The following ADAMTSL3 variants were observed in gnomAD, a reference collection of about 807,000 sequenced individuals.
ADAMTSL3 encodes the protein ADAMTS like 3, also known as ADAMTS-like protein 3.
In ADAMTSL3, 128 loss-of-function variants were observed where a neutral mutation model predicts 201.7. The ratio of observed to expected loss-of-function variants is 0.63; its 90% CI spans 0.55 to 0.73. The LOEUF (loss-of-function observed/expected upper bound fraction) is 0.73, where lower values mean the gene tolerates loss of function less well. Among genes scored for constraint, ADAMTSL3 ranks in the 30% least tolerant of loss-of-function variants. The probability of loss-of-function intolerance (pLI) is 0.00; values close to 1 mark genes in which losing one functional copy is unlikely to be tolerated. For synonymous variants in ADAMTSL3, 738 were observed against 748.4 expected, an observed-to-expected ratio of 0.99 and a Z score of 0.23; for missense variants, 1,990 against 2,119.6, an observed-to-expected ratio of 0.94 and a Z score of 1.20.
Position 83,970,649 on chromosome 15 carries a change from G to A in ADAMTSL3, c.2644+12G>A. The A allele has an allele frequency of 6.2e-7, 1 of 1,613,516 alleles. No individual in the cohort carries two copies. Among genetic ancestry groups the A allele is most frequent in the Non-Finnish European group, 8.5e-7 (1 of 1,179,690 alleles). ...GCCTGAGTGCAGTAGTAAGTATGCG[G>A]TGTCCGCGCTTCACCAAGATATGCT... On this transcript the variant is annotated intron_variant, in intron 20 of 29. Transcript: ENST00000286744.
At chr15:83,681,849 C>A (rs1382346948) in intron 2 of ADAMTSL3, among the ~76,000 whole-genome samples, 2 of 152,182 alleles carry the variant, frequency 1.3e-5, no homozygotes. Flanking sequence ...AAGGATACTT[C>A]TAGAATTTTA....
chr15:83,883,063 A>T (rs1257382026), intron 9 of ADAMTSL3, among the ~76,000 whole-genome samples: 1 of 151,956 alleles, frequency 6.6e-6, no homozygotes, highest in Non-Finnish European at 1.5e-5. Flanking sequence ...TTTAAAAATT[A>T]AACTGTATTA....
intron 4 of ADAMTSL3, among the ~76,000 whole-genome samples, chr15:83,784,574 T>TA (rs563125591): frequency 8.1e-4 from 123 of 152,286 alleles, no homozygotes; most frequent in Non-Finnish European, 1.5e-3. Flanking sequence ...ACGCTCAGAT[T>TA]ACAATCTCTA....
At chr15:83,798,471 C>T (rs2063463392) in intron 4 of ADAMTSL3, among the ~76,000 whole-genome samples, 1 of 152,196 alleles carries the variant, frequency 6.6e-6, no homozygotes, top group African/African-American at 2.4e-5. Flanking sequence ...TGGTTCCTGG[C>T]ATGGGGTCAG....
At chr15:83,895,013 T>G (rs1256343330) in intron 13 of ADAMTSL3, among the ~76,000 whole-genome samples, 1 of 152,188 alleles carries the variant, frequency 6.6e-6, no homozygotes, top group Non-Finnish European at 1.5e-5. Flanking sequence ...TATTGTTAAT[T>G]TTTTCTATTG....
intron 3 of ADAMTSL3, among the ~76,000 whole-genome samples, chr15:83,735,879 A>G (rs1317435551): frequency 6.6e-6 from 1 of 152,172 alleles, no homozygotes; most frequent in Non-Finnish European, 1.5e-5. Flanking sequence ...AAAATGCCCC[A>G]GTCTCTGCTA....
chr15:83,879,716 G>A (rs1177597994), intron 9 of ADAMTSL3, among the ~76,000 whole-genome samples: 2 of 152,156 alleles, frequency 1.3e-5, no homozygotes, highest in South Asian at 2.1e-4. Context: ...TGGATACAAT[G>A]TTCTATGTAT....
chr15:83,914,613 C>G (rs1044785356), intron 16 of ADAMTSL3, among the ~76,000 whole-genome samples: 1 of 152,180 alleles, frequency 6.6e-6, no homozygotes, highest in Non-Finnish European at 1.5e-5. Flanking sequence ...GACTCTTTCT[C>G]CCCTTACTTG....
rs1295127852 is a variant in ADAMTSL3 at position 84,038,856 on chromosome 15, G to C, written c.*1050G>C. The C allele has an allele frequency of 6.6e-6, 1 of 152,202 alleles. No homozygotes were observed. The highest frequency in any genetic ancestry group is 1.9e-4 in the East Asian group (1 of 5,196). The allele number at this position is 152,202 out of a possible 1,614,324, so 9.4% of individuals were successfully genotyped here. On this transcript the variant is annotated 3_prime_UTR_variant, in exon 30 of 30. Transcript: ENST00000286744. ...GATTTGAGGAAAAGGGTAAGGGTTA[G>C]TTTCAGTTTTAGGATTAGAGCTAGA...
At chr15:83,866,316 T>C (rs1317002978) in intron 8 of ADAMTSL3, among the ~76,000 whole-genome samples, 1 of 152,226 alleles carries the variant, frequency 6.6e-6, no homozygotes, top group East Asian at 1.9e-4. Flanking sequence ...ACATGTATGT[T>C]TATTGTGGCA....
chr15:83,998,949 G>A (rs1045257616), intron 23 of ADAMTSL3, among the ~76,000 whole-genome samples: 3 of 152,202 alleles, frequency 2.0e-5, no homozygotes, highest in Non-Finnish European at 4.4e-5. Context: ...GCCAAGTTCC[G>A]AACCCAGTTA....
At chr15:83,885,736 CT>C (rs879547989) in intron 10 of ADAMTSL3, among the ~76,000 whole-genome samples, 220 of 144,262 alleles carry the variant, frequency 1.5e-3, no homozygotes, top group Middle Eastern at 3.5e-3. Flanking sequence ...AGTTCAAGGT[CT>C]TTTTTTTTTT....
In ADAMTSL3 at chr15:83,903,948, AAAAG is replaced by A. The variant is rs1305997939; in HGVS notation, c.1700+4237_1700+4240del. Among the ~76,000 whole-genome samples the A allele has an allele frequency of 7.6e-3, 777 of 102,464 alleles. 146 individuals carry two copies. The highest frequency in any genetic ancestry group is 0.024 in the African/African-American group (730 of 30,074). 67.2% of individuals were successfully genotyped at this position (102,464 alleles called of 152,430 possible). On this transcript the variant is annotated intron_variant, in intron 15 of 29. Coordinates refer to ENST00000286744, the MANE Select transcript of ADAMTSL3 (RefSeq NM_207517.3). Reference sequence around the variant, plus strand: ...AAAAAAAAAAAAAAAAAAAAAAGAAAAAAGAAAGAAAGAAAGAAAGAAAAGGAGC... The same window carrying A: ...AAAAAAAAAAAAAAAAAAAAAAGAAAAAAGAAAGAAAGAAAGAAAAGGAGC...
At chr15:83,827,073 G>A (rs1173658074) in intron 6 of ADAMTSL3, among the ~76,000 whole-genome samples, 3 of 152,152 alleles carry the variant, frequency 2.0e-5, no homozygotes, top group Non-Finnish European at 2.9e-5. Flanking sequence ...CTAGATCCCT[G>A]AGGAATTGCC....
intron 23 of ADAMTSL3, among the ~76,000 whole-genome samples, chr15:83,994,577 T>C (rs1195694000): frequency 6.9e-6 from 1 of 143,968 alleles, no homozygotes; most frequent in Non-Finnish European, 1.5e-5. Context: ...TCTGTTTTTT[T>C]GTTTTTTCGT....
At chr15:83,954,534 T>A (rs112333343) in intron 19 of ADAMTSL3, among the ~76,000 whole-genome samples, 5 of 152,368 alleles carry the variant, frequency 3.3e-5, no homozygotes, top group African/African-American at 1.2e-4. Context: ...GTGCCTGATG[T>A]AGTTCATTTG....
chr15:83,842,636 G>A (rs989961444), intron 7 of ADAMTSL3, among the ~76,000 whole-genome samples: 2 of 152,194 alleles, frequency 1.3e-5, no homozygotes, highest in South Asian at 4.1e-4. Flanking sequence ...GTCCGTCTGG[G>A]GATTGATTTT....
chr15:83,776,453 C>T (rs1377422342), intron 4 of ADAMTSL3, among the ~76,000 whole-genome samples: 1 of 152,220 alleles, frequency 6.6e-6, no homozygotes, highest in African/African-American at 2.4e-5. Context: ...CACAGTGGCT[C>T]ACGCCTGTAA....
chr15:84,024,762 G>C (rs1371758921), intron 26 of ADAMTSL3, among the ~76,000 whole-genome samples: 1 of 152,194 alleles, frequency 6.6e-6, no homozygotes, highest in Non-Finnish European at 1.5e-5. Flanking sequence ...TGTGGTCATA[G>C]CTAAGTTATT....
Sources: gnomAD v4.1 joint callset for allele counts (sites outside exome capture counted in the v4.1 genomes callset) on GRCh38, gnomAD v4.1.1 for gene constraint, MANE v1.5 for transcripts, NCBI Gene and HGNC (gene_info 2026-07-23, HGNC 2026-07-21) for gene names.